The following TMEM53 variants were observed in gnomAD, a reference collection of about 807,000 sequenced individuals.
TMEM53 encodes novel DUF829 domain-containing protein.
TMEM53 carries 14 observed loss-of-function variants against 21.4 expected under a neutral mutation model. The observed-to-expected ratio is 0.65, with a 90% confidence interval of 0.43 to 1.02. The LOEUF (loss-of-function observed/expected upper bound fraction) is 1.02. Among genes scored for constraint, TMEM53 ranks in the 50% least tolerant of loss-of-function variants. TMEM53 has a pLI of 0.00. For synonymous variants in TMEM53, 148 were observed against 157.4 expected, an observed-to-expected ratio of 0.94 and a Z score of 0.45; for missense variants, 323 against 383.6, an observed-to-expected ratio of 0.84 and a Z score of 1.32.
At position 44,655,124 on chromosome 1, in the gene TMEM53, G is replaced by A. The variant is rs1304157888; in HGVS notation, c.269C>T (p.Ala90Val). ...SLGIPSLRVL[A>V]QKLLELLFDY... ...AAAGAGCAGCTCGAGCAGCTTCTGG[G>A]CCAAAACACGAAGTGAAGGGATACC... Residue 90 changes from alanine (A) to valine (V), a missense_variant, in exon 3 of 3, where the codon GCC (alanine) becomes GTC (valine). By Grantham distance (64) the Ala-to-Val change is moderately conservative. Coordinates refer to ENST00000372237, the MANE Select transcript of TMEM53 (RefSeq NM_024587.4). The surrounding 1 kb of genome is among the most constrained non-coding windows in gnomAD (Gnocchi z 4.4). 1 of 1,614,210 alleles carries A rather than the reference G, an allele frequency of 6.2e-7. No homozygotes were observed. The highest frequency in any genetic ancestry group is 8.5e-7 in the Non-Finnish European group (1 of 1,180,042).
rs778388119 is a variant in TMEM53 at position 44,655,111 on chromosome 1, G to A, written c.282C>T (p.Leu94=). The change falls in exon 3 of 3, where the codon CTC becomes CTT. Residue 94 remains leucine, a synonymous_variant. Transcript: ENST00000372237. This position sits in a 1 kb window ranked among gnomAD's most constrained non-coding sequence, Gnocchi z 4.4. ...PSLRVLAQKL[L]ELLFDYEIEK... is the part of the protein sequence containing the mutation. The stretch of plus-strand genomic sequence containing the variant: ...CAATCTCATAATCAAAGAGCAGCTC[G>A]AGCAGCTTCTGGGCCAAAACACGAA... 1.6e-5 allele frequency: 26 copies of A among 1,614,070 alleles called. No individual in the cohort carries two copies. The highest frequency in any genetic ancestry group is 4.5e-5 in the East Asian group (2 of 44,898).
chr1:44,664,151 T>TAA (rs555498355), intron 1 of TMEM53, among the ~76,000 whole-genome samples: 23 of 93,264 alleles, frequency 2.5e-4, no homozygotes, highest in African/African-American at 5.6e-4. Context: ...GACCTTATTA[T>TAA]AAAAAAAAAA....
intron 1 of TMEM53, among the ~76,000 whole-genome samples, chr1:44,672,031 G>A (rs6678831): frequency 0.36 from 54,186 of 152,132 alleles, 10,290 homozygotes; most frequent in Middle Eastern, 0.42. Context: ...CAATCTCTGG[G>A]GCTCCAAAAG....
chr1:44,667,527 C>T (rs571489385), intron 1 of TMEM53, among the ~76,000 whole-genome samples: 77 of 150,616 alleles, frequency 5.1e-4, no homozygotes, highest in South Asian at 4.6e-3. Flanking sequence ...AGGCTGGTCT[C>T]GAACTCCTGA....
In TMEM53 at chr1:44,661,362, C is replaced by G. The variant is rs147424429; in HGVS notation, c.62-1067G>C. Among the ~76,000 whole-genome samples the G allele has an allele frequency of 4.4e-3, 667 of 151,916 alleles. 5 individuals are homozygous for G. The highest frequency in any genetic ancestry group is 0.015 in the African/African-American group (641 of 41,446). ...TCTCCTGCCTCGGCCTACTGAGTGG[C>G]TGGGATTATAGGCACCCACCACCAT... is the stretch of plus-strand genomic sequence containing the variant. On this transcript the variant is annotated intron_variant, in intron 1 of 2. Coordinates refer to ENST00000372237, the MANE Select transcript of TMEM53 (RefSeq NM_024587.4).
At chr1:44,658,760 C>T (rs1181582371) in intron 2 of TMEM53, among the ~76,000 whole-genome samples, 1 of 152,140 alleles carries the variant, frequency 6.6e-6, no homozygotes, top group Admixed American at 6.5e-5. Flanking sequence ...CCATGTTGGC[C>T]AGGCTGGTCT....
At chr1:44,669,492 G>A (rs1157927784) in intron 1 of TMEM53, among the ~76,000 whole-genome samples, 1 of 152,212 alleles carries the variant, frequency 6.6e-6, no homozygotes, top group East Asian at 1.9e-4. Context: ...AAGCTCTGGA[G>A]TAAGGCTCTT....
rs533998050 is a variant in TMEM53 at position 44,656,359 on chromosome 1, G to A, written c.184-1150C>T. Among the ~76,000 whole-genome samples the A allele has an allele frequency of 3.3e-5, 5 of 152,318 alleles. No individual in the cohort carries two copies. In the South Asian group the frequency reaches 1.0e-3, roughly 32 times the overall value. On this transcript the variant is annotated intron_variant, in intron 2 of 2. Coordinates refer to ENST00000372237, the MANE Select transcript of TMEM53 (RefSeq NM_024587.4). Reference sequence around the variant, plus strand: ...TCAACCAACAGCAGCAGTAATTAGTGATGTGGTAGTGACAAGGAGAAAATC... The same window carrying A: ...TCAACCAACAGCAGCAGTAATTAGTAATGTGGTAGTGACAAGGAGAAAATC...
chr1:44,666,436 T>C (rs751241429), intron 1 of TMEM53, among the ~76,000 whole-genome samples: 77 of 152,326 alleles, frequency 5.1e-4, no homozygotes, highest in Non-Finnish European at 1.6e-4. Context: ...TGAATGTTCA[T>C]TGCAGTCATA....
intron 2 of TMEM53, among the ~76,000 whole-genome samples, chr1:44,658,433 C>A (rs1399894957): frequency 6.6e-6 from 1 of 152,146 alleles, no homozygotes; most frequent in South Asian, 2.1e-4. Flanking sequence ...CTTACCTCTA[C>A]CGACACCCCC....
intron 1 of TMEM53, among the ~76,000 whole-genome samples, chr1:44,666,581 T>C (rs1213005409): frequency 6.6e-6 from 1 of 152,242 alleles, no homozygotes; most frequent in Non-Finnish European, 1.5e-5. Flanking sequence ...TGGATGAACC[T>C]TGAAAACATC....
chr1:44,671,746 T>C (rs530401264), intron 1 of TMEM53, among the ~76,000 whole-genome samples: 21 of 152,328 alleles, frequency 1.4e-4, no homozygotes, highest in Admixed American at 2.6e-4. Flanking sequence ...CTAACCAATA[T>C]GGTGAAACCT....
At chr1:44,660,459 T>C (rs921498590) in intron 1 of TMEM53, among the ~76,000 whole-genome samples, 164 bp from the exon 2 acceptor site, 2 of 152,172 alleles carry the variant, frequency 1.3e-5, no homozygotes, top group African/African-American at 2.4e-5. Flanking sequence ...CCCGTGCTGC[T>C]CCAGCTGCCT....
chr1:44,663,009 A>G (rs963588155), intron 1 of TMEM53, among the ~76,000 whole-genome samples: 1 of 152,148 alleles, frequency 6.6e-6, no homozygotes, highest in Admixed American at 6.5e-5. Context: ...CACCCTGGAG[A>G]GACTGCCTAC....
intron 1 of TMEM53, chr1:44,673,880 G>A (rs1645046135): frequency 2.4e-5 from 24 of 985,292 alleles, no homozygotes; most frequent in Non-Finnish European, 2.9e-5. Flanking sequence ...ACGGCTAAGG[G>A]TTCTGAGTCC....
At position 44,673,784 on chromosome 1, in the gene TMEM53, C is replaced by G. The variant is rs1645043816; in HGVS notation, c.61+547G>C. 5 of 941,452 alleles carry G rather than the reference C, an allele frequency of 5.3e-6. No homozygotes were observed. The South Asian group carries it at 2.4e-4, about 46-fold the overall frequency. 58.3% of individuals were successfully genotyped at this position (941,452 alleles called of 1,614,324 possible). On this transcript the variant is annotated intron_variant, in intron 1 of 2. Transcript: ENST00000372237. ...TAGCTTACCAAAGGTAATCCAGCTC[C>G]TAAAGGAAGGAGTCAGGATTTCAGT...
chr1:44,657,664 A>C (rs1379221762), intron 2 of TMEM53, among the ~76,000 whole-genome samples: 1 of 152,038 alleles, frequency 6.6e-6, no homozygotes, highest in Non-Finnish European at 1.5e-5. Context: ...CAGACTCCCA[A>C]GTAGCTAAGA....
chr1:44,667,226 C>T (rs1232707424), intron 1 of TMEM53, among the ~76,000 whole-genome samples: 1 of 151,602 alleles, frequency 6.6e-6, no homozygotes, highest in Non-Finnish European at 1.5e-5. Context: ...AATAGTAATA[C>T]ATTAAGTGAA....
chr1:44,666,853 GT>G (rs111434876), intron 1 of TMEM53, among the ~76,000 whole-genome samples: 11,807 of 149,740 alleles, frequency 0.079, 1,274 homozygotes, highest in African/African-American at 0.25. Flanking sequence ...TTTTTTTTTT[GT>G]TTTGTTTTGA....
Sources: gnomAD v4.1 joint callset for allele counts (sites outside exome capture counted in the v4.1 genomes callset) on GRCh38, gnomAD v4.1.1 for gene constraint, Gnocchi (gnomAD v3.1) non-coding constraint, MANE v1.5 for transcripts, NCBI Gene and HGNC (gene_info 2026-07-23, HGNC 2026-07-21) for gene names.